CACNB2: variants seen among roughly 807,000 people sequenced by gnomAD.
CACNB2 encodes calcium voltage-gated channel auxiliary subunit beta 2.
CACNB2 carries 42 observed loss-of-function variants against 73.3 expected under a neutral mutation model. The ratio of observed to expected loss-of-function variants is 0.57; its 90% CI spans 0.45 to 0.74. The LOEUF is 0.74. Among genes scored for constraint, CACNB2 ranks in the 30% least tolerant of loss-of-function variants. CACNB2 has a pLI of 0.00. For missense variants in CACNB2, 940 were observed against 853.0 expected (o/e 1.10, Z -1.27); for synonymous variants, 348 against 310.3 (o/e 1.12, Z -1.28).
At chr10:18,196,775 C>T (rs2034644951) in intron 2 of CACNB2, among the ~76,000 whole-genome samples, 1 of 152,116 alleles carries the variant, frequency 6.6e-6, no homozygotes, top group African/African-American at 2.4e-5. Flanking sequence ...GACTGAAATG[C>T]CTTTTGTGTG....
At chr10:18,258,723 T>C (rs1426968754) in intron 2 of CACNB2, among the ~76,000 whole-genome samples, 1 of 152,068 alleles carries the variant, frequency 6.6e-6, no homozygotes, top group South Asian at 2.1e-4. Flanking sequence ...CGAAACTCTG[T>C]GTCAAAAACA....
chr10:18,141,122 C>G, intron 1 of CACNB2: 1 of 1,548,946 alleles, frequency 6.5e-7, no homozygotes, highest in Non-Finnish European at 8.7e-7. Context: ...CCAGACTTCT[C>G]CCGGGTTGCT....
At chr10:18,446,609 A>G (rs1185710478) in intron 3 of CACNB2, among the ~76,000 whole-genome samples, 2 of 152,184 alleles carry the variant, frequency 1.3e-5, no homozygotes, top group Non-Finnish European at 2.9e-5. Context: ...ACTTAGTATC[A>G]CAGATGTTAC....
intron 2 of CACNB2, among the ~76,000 whole-genome samples, chr10:18,355,983 C>A (rs151319049): frequency 1.1e-4 from 17 of 152,134 alleles, no homozygotes; most frequent in African/African-American, 4.1e-4. Flanking sequence ...CTAACATGCA[C>A]ATAAAATATG....
At chr10:18,374,693 T>C (rs1564481171) in intron 2 of CACNB2, among the ~76,000 whole-genome samples, 1 of 152,200 alleles carries the variant, frequency 6.6e-6, no homozygotes, top group African/African-American at 2.4e-5. Flanking sequence ...ACACTCTGCA[T>C]GATGTATGTA....
At chr10:18,415,312 C>T (rs984631358) in intron 3 of CACNB2, among the ~76,000 whole-genome samples, 3 of 151,824 alleles carry the variant, frequency 2.0e-5, no homozygotes, top group Admixed American at 6.6e-5. Flanking sequence ...AAAAAATAAG[C>T]AAAAATAGTT....
At chr10:18,361,511 AAG>A (rs1050073248) in intron 2 of CACNB2, among the ~76,000 whole-genome samples, 1 of 150,724 alleles carries the variant, frequency 6.6e-6, no homozygotes, top group African/African-American at 2.4e-5. Flanking sequence ...AAAAAAAAAA[AAG>A]AAAGAAAGAA....
rs192619651 is a variant in CACNB2, at chr10:18,309,753, A to G, written c.214-92171A>G. On this transcript the variant is annotated intron_variant, in intron 2 of 13. Transcript: ENST00000324631. ...ATTACAGGTGTGAGCCACCTCGCCC[A>G]GCCCAGAAAATGTGGGTTTTATTTG... 1.6e-4 allele frequency among the ~76,000 whole-genome samples: 25 copies of G among 152,270 alleles called. No homozygotes were observed. The East Asian group carries it at 2.5e-3, about 15-fold the overall frequency.
At chr10:18,530,638 A>G (rs1179845011) in intron 10 of CACNB2, among the ~76,000 whole-genome samples, 2 of 152,116 alleles carry the variant, frequency 1.3e-5, no homozygotes, top group Non-Finnish European at 1.5e-5. Context: ...GAATGGTTGT[A>G]TGGGGACTCA....
chr10:18,336,628 GAAA>G (rs59632019), intron 2 of CACNB2, among the ~76,000 whole-genome samples: 1 of 148,016 alleles, frequency 6.8e-6, no homozygotes, highest in South Asian at 2.1e-4. Flanking sequence ...CTCAAAAAAA[GAAA>G]AAAAAAAAGA....
intron 2 of CACNB2, among the ~76,000 whole-genome samples, chr10:18,260,194 G>A (rs1414041057): frequency 6.6e-6 from 1 of 152,082 alleles, no homozygotes; most frequent in Non-Finnish European, 1.5e-5. Flanking sequence ...ACATTTACAT[G>A]GTCTTTAGGG....
At chr10:18,174,839 T>C (rs115480651) in intron 2 of CACNB2, among the ~76,000 whole-genome samples, 38 of 152,314 alleles carry the variant, frequency 2.5e-4, no homozygotes, top group African/African-American at 8.4e-4. Context: ...GTATTACCTT[T>C]ACAGTTTTCC....
intron 2 of CACNB2, among the ~76,000 whole-genome samples, chr10:18,376,739 AG>A: frequency 6.6e-6 from 1 of 151,784 alleles, no homozygotes; most frequent in Non-Finnish European, 1.5e-5. Context: ...AGCTCGGAGG[AG>A]GGTTATCTTA....
At chr10:18,228,814 G>A (rs956002673) in intron 2 of CACNB2, among the ~76,000 whole-genome samples, 2 of 152,096 alleles carry the variant, frequency 1.3e-5, no homozygotes, top group South Asian at 2.1e-4. Flanking sequence ...ATCCCAGCTC[G>A]CTGCAGCCTC....
intron 3 of CACNB2, among the ~76,000 whole-genome samples, chr10:18,467,038 C>T (rs915415538): frequency 6.6e-6 from 1 of 152,048 alleles, no homozygotes; most frequent in Non-Finnish European, 1.5e-5. Context: ...CCTGTAATCC[C>T]AGCTGCTAGG....
At chr10:18,415,650 TTC>T (rs1032756169) in intron 3 of CACNB2, among the ~76,000 whole-genome samples, 1 of 152,166 alleles carries the variant, frequency 6.6e-6, no homozygotes, top group Admixed American at 6.5e-5. Context: ...AGCAATGTGA[TTC>T]TCTCTAAGGT....
chr10:18,300,455 T>A (rs2039463329), intron 2 of CACNB2, among the ~76,000 whole-genome samples: 1 of 152,220 alleles, frequency 6.6e-6, no homozygotes, highest in South Asian at 2.1e-4. Context: ...GCAAAAGTGA[T>A]GTGAAATAAA....
intron 3 of CACNB2, among the ~76,000 whole-genome samples, chr10:18,406,330 C>T (rs1314752643): frequency 6.6e-6 from 1 of 152,154 alleles, no homozygotes; most frequent in Non-Finnish European, 1.5e-5. Flanking sequence ...AAGTAGACCT[C>T]ACAGCAGGGG....
intron 2 of CACNB2, among the ~76,000 whole-genome samples, chr10:18,263,571 T>C (rs1657359952): frequency 6.6e-6 from 1 of 152,336 alleles, no homozygotes; most frequent in African/African-American, 2.4e-5. Flanking sequence ...TGTGTCTTAA[T>C]CTTTCACTAG....
Sources: allele counts gnomAD v4.1 joint callset (sites outside exome capture counted in the v4.1 genomes callset), GRCh38; gene constraint gnomAD v4.1.1; transcripts MANE v1.5; gene names NCBI Gene and HGNC (gene_info 2026-07-23, HGNC 2026-07-21).